FAM114A1: variants seen among roughly 807,000 people sequenced by gnomAD.
The protein encoded by FAM114A1 is family with sequence similarity 114 member A1, also known as protein NOXP20.
Under a neutral mutation model 64.3 loss-of-function variants are expected in FAM114A1, and 62 were observed. That is an observed-to-expected ratio of 0.96 (90% CI 0.79 to 1.19). FAM114A1 has a LOEUF of 1.19. Ranked by LOEUF, FAM114A1 falls within the 50% of genes most tolerant of loss-of-function variation. The probability of loss-of-function intolerance (pLI) is 0.00; values close to 1 mark genes in which losing one functional copy is unlikely to be tolerated. For missense variants in FAM114A1, 645 were observed against 676.3 expected (o/e 0.95, Z 0.51); for synonymous variants, 254 against 251.1 (o/e 1.01, Z -0.11).
chr4:38,919,698 G>T (rs1207500874), intron 8 of FAM114A1, among the ~76,000 whole-genome samples: 1 of 152,196 alleles, frequency 6.6e-6, no homozygotes, highest in Non-Finnish European at 1.5e-5. Context: ...AGAGAGTGTA[G>T]AGAGGACACT....
intron 13 of FAM114A1, 76 bp downstream of exon 13, chr4:38,935,866 C>T: frequency 9.6e-7 from 1 of 1,039,938 alleles, no homozygotes; most frequent in Non-Finnish European, 1.5e-6. Context: ...AGATGCAGCG[C>T]CTTCTTTAGT....
chr4:38,928,401 A>G (rs1720337361), intron 9 of FAM114A1, among the ~76,000 whole-genome samples: 1 of 152,254 alleles, frequency 6.6e-6, no homozygotes, highest in Admixed American at 6.5e-5. Flanking sequence ...AGAGAAAAAT[A>G]AGATTGTAAT....
intron 2 of FAM114A1, among the ~76,000 whole-genome samples, chr4:38,869,982 G>A (rs185563698): frequency 6.6e-6 from 1 of 152,196 alleles, no homozygotes; most frequent in Non-Finnish European, 1.5e-5. Context: ...ACTTGCCCCA[G>A]TCCTGCAGGT....
At chr4:38,911,868 T>C (rs1718580956) in intron 7 of FAM114A1, among the ~76,000 whole-genome samples, 1 of 142,678 alleles carries the variant, frequency 7.0e-6, no homozygotes, top group South Asian at 2.3e-4. Flanking sequence ...TTTCTTTTTT[T>C]TTTTTTTTTT....
intron 13 of FAM114A1, among the ~76,000 whole-genome samples, chr4:38,939,886 C>CTTTTTTTTTTTTTTTTTTTTTT (rs545845095): frequency 7.6e-6 from 1 of 131,668 alleles, no homozygotes; most frequent in African/African-American, 2.9e-5. Flanking sequence ...CACTTTCTTT[C>CTTTTTTTTTTTTTTTTTTTTTT]TTTTTTTTTT....
intron 10 of FAM114A1, 132 bp from the exon 11 acceptor site, chr4:38,931,319 C>A: frequency 1.9e-6 from 2 of 1,052,446 alleles, no homozygotes; most frequent in South Asian, 2.3e-5. Context: ...GAAAAATTGC[C>A]CCGTCATCCT....
chr4:38,936,547 CAT>C lies in FAM114A1; in HGVS notation c.1536+758_1536+759del, dbSNP rs1491141958. Among the ~76,000 whole-genome samples the C allele has an allele frequency of 3.9e-3, 542 of 140,562 alleles. 12 individuals carry two copies. The South Asian group carries it at 0.044, about 11-fold the overall frequency. The allele number at this position is 140,562 out of a possible 152,430, so 92.2% of individuals were successfully genotyped here. ...ATAAGCCATGCAAGATAAGAGTTTT[CAT>C]TTTTTTTTTTTTTTTTTTTTTGAGA... On this transcript the variant is annotated intron_variant, in intron 13 of 14. Transcript: ENST00000358869.
intron 3 of FAM114A1, among the ~76,000 whole-genome samples, chr4:38,881,377 G>A (rs1715256568): frequency 1.3e-5 from 2 of 152,138 alleles, no homozygotes; most frequent in African/African-American, 4.8e-5. Context: ...GCATTTCAAG[G>A]ACCTTGGAAA....
intron 2 of FAM114A1, among the ~76,000 whole-genome samples, chr4:38,875,955 A>G (rs945633984): frequency 3.9e-5 from 6 of 152,146 alleles, no homozygotes; most frequent in Admixed American, 3.9e-4. Flanking sequence ...TAATGGCTAC[A>G]TTCCTTATTT....
At chr4:38,936,591 C>T (rs1446383741) in intron 13 of FAM114A1, among the ~76,000 whole-genome samples, 2 of 129,538 alleles carry the variant, frequency 1.5e-5, no homozygotes, top group African/African-American at 3.0e-5. Context: ...CTCGCCCTGT[C>T]GCCCAGCCTG....
chr4:38,916,565 A>G (rs1719070238), intron 8 of FAM114A1, among the ~76,000 whole-genome samples: 2 of 152,204 alleles, frequency 1.3e-5, no homozygotes, highest in African/African-American at 4.8e-5. Context: ...ACAAGAACGG[A>G]AAACCAAAAC....
chr4:38,920,072 G>A (rs144685289), intron 8 of FAM114A1, among the ~76,000 whole-genome samples: 3 of 152,182 alleles, frequency 2.0e-5, no homozygotes, highest in Non-Finnish European at 4.4e-5. Context: ...AGCAGGGAGT[G>A]GTGGCGTGTA....
At chr4:38,929,568 A>G (rs1374536256) in intron 10 of FAM114A1, among the ~76,000 whole-genome samples, 1 of 152,242 alleles carries the variant, frequency 6.6e-6, no homozygotes, top group Non-Finnish European at 1.5e-5. Flanking sequence ...ACCTGAGGTC[A>G]GGAGTTTGAG....
intron 12 of FAM114A1, 118 bp downstream of exon 12, chr4:38,932,492 T>G: frequency 8.8e-7 from 1 of 1,135,210 alleles, no homozygotes; most frequent in Non-Finnish European, 1.2e-6. Flanking sequence ...TTCTTTTTGT[T>G]TGTTTTTGTT....
chr4:38,937,085 C>G (rs1241964555), intron 13 of FAM114A1, among the ~76,000 whole-genome samples: 2 of 152,142 alleles, frequency 1.3e-5, no homozygotes, highest in Non-Finnish European at 2.9e-5. Flanking sequence ...TGTTTTTTCT[C>G]TTTAAAACAC....
At position 38,920,436 on chromosome 4, in the gene FAM114A1, A is replaced by T. The variant is rs552914119; in HGVS notation, c.946-2334A>T. ...AGTGTGTGATTATGTCATATTTATT[A>T]TTGGATTGAACTAAAGATTCAATGC... On this transcript the variant is annotated intron_variant, in intron 8 of 14. Coordinates refer to ENST00000358869, the MANE Select transcript of FAM114A1 (RefSeq NM_138389.4). Among the ~76,000 whole-genome samples, 229 of 152,308 alleles carry T rather than the reference A, an allele frequency of 1.5e-3. 1 individual carries two copies. The highest frequency in any genetic ancestry group is 5.3e-3 in the African/African-American group (220 of 41,578).
intron 2 of FAM114A1, among the ~76,000 whole-genome samples, chr4:38,874,826 A>G (rs1714453305): frequency 1.3e-5 from 2 of 152,170 alleles, no homozygotes; most frequent in South Asian, 4.1e-4. Context: ...TTAAGTCTTT[A>G]GTCCATCTTG....
intron 3 of FAM114A1, among the ~76,000 whole-genome samples, chr4:38,881,325 G>A (rs1715247944): frequency 6.6e-6 from 1 of 152,156 alleles, no homozygotes; most frequent in Non-Finnish European, 1.5e-5. Context: ...GAGCTGGTTG[G>A]TAACAGGTAC....
At chr4:38,924,206 G>C (rs1054432721) in intron 9 of FAM114A1, among the ~76,000 whole-genome samples, 1 of 152,138 alleles carries the variant, frequency 6.6e-6, no homozygotes, top group Non-Finnish European at 1.5e-5. Flanking sequence ...GGTCATGTTA[G>C]ATAATATATC....
Sources: allele counts gnomAD v4.1 joint callset (sites outside exome capture counted in the v4.1 genomes callset), GRCh38; gene constraint gnomAD v4.1.1; transcripts MANE v1.5; gene names NCBI Gene and HGNC (gene_info 2026-07-23, HGNC 2026-07-21).